Variants in R3HCC1L observed in about 807,000 individuals in gnomAD.
The protein encoded by R3HCC1L is R3H domain and coiled-coil containing 1 like, also known as coiled-coil domain-containing protein R3HCC1L.
In R3HCC1L, 51 loss-of-function variants were observed where a neutral mutation model predicts 59.9. The observed-to-expected ratio is 0.85, with a 90% confidence interval of 0.68 to 1.07. R3HCC1L has a LOEUF of 1.07. R3HCC1L is among the 50% of genes least tolerant of loss of function. The pLI, the probability that R3HCC1L is intolerant of heterozygous loss-of-function variation, is 0.00. For missense variants in R3HCC1L, 965 were observed against 933.0 expected, an observed-to-expected ratio of 1.03 and a Z score of -0.45; for synonymous variants, 322 against 315.2, an observed-to-expected ratio of 1.02 and a Z score of -0.23.
intron 9 of R3HCC1L, among the ~76,000 whole-genome samples, chr10:98,239,349 A>G (rs545407821): frequency 1.3e-5 from 2 of 152,284 alleles, no homozygotes; most frequent in South Asian, 4.1e-4. Flanking sequence ...TTTTGACATG[A>G]CCATTGCCAA....
chr10:98,146,210 G>T (rs1221583098), intron 1 of R3HCC1L, among the ~76,000 whole-genome samples: 2 of 151,908 alleles, frequency 1.3e-5, no homozygotes, highest in Admixed American at 6.6e-5. Context: ...CAAATAATTT[G>T]CATACTATAC....
Position 98,185,159 on chromosome 10 carries a change from G to A in R3HCC1L, c.-15+21762G>A, listed in dbSNP as rs373770393. Among the ~76,000 whole-genome samples, 5 of 152,170 alleles carry A rather than the reference G, an allele frequency of 3.3e-5. No individual in the cohort carries two copies. In the South Asian group the frequency reaches 1.0e-3, roughly 32 times the overall value. ...TGATACGGGATTTTTGATGGTTAAA[G>A]TATCTTTTAAATCTGTTCCTTTCAG... On this transcript the variant is annotated intron_variant, in intron 4 of 9. Transcript: ENST00000298999.
intron 4 of R3HCC1L, among the ~76,000 whole-genome samples, chr10:98,172,988 A>G (rs1168503364): frequency 6.6e-6 from 1 of 152,204 alleles, no homozygotes; most frequent in East Asian, 1.9e-4. Flanking sequence ...CTTAGGGATG[A>G]GGTAAAGGTA....
chr10:98,208,403 T>G lies in R3HCC1L; in HGVS notation c.289T>G (p.Cys97Gly). Reference protein sequence around the residue: ...KSSTKLRMDTCLQKTNRVCSK... With the variant: ...KSSTKLRMDTGLQKTNRVCSK... ...TTCAACAAAATTAAGAATGGACACA[T>G]GCCTTCAAAAAACAAATAGAGTTTG... The change falls in exon 5 of 10, where the codon TGC becomes GGC. Residue 97 changes from cysteine (C) to glycine (G), a missense_variant. Physicochemically the swap from Cys to Gly is radical, Grantham distance 159 (BLOSUM62 -3). Coordinates refer to ENST00000298999, the MANE Select transcript of R3HCC1L (RefSeq NM_001351015.2). 1 of 1,613,860 alleles carries G rather than the reference T, an allele frequency of 6.2e-7. No homozygotes were observed. Among genetic ancestry groups the G allele is most frequent in the Non-Finnish European group, 8.5e-7 (1 of 1,179,972 alleles).
At chr10:98,220,318 C>T (rs970046226) in intron 5 of R3HCC1L, among the ~76,000 whole-genome samples, 4 of 149,016 alleles carry the variant, frequency 2.7e-5, no homozygotes, top group Non-Finnish European at 4.5e-5. Flanking sequence ...ATCTCACTGA[C>T]GTTCTTTAAT....
In R3HCC1L at chr10:98,209,660, A is replaced by G. The variant is rs747954459; in HGVS notation, c.1546A>G (p.Thr516Ala). ...GIDLGSTGDT[T>A]EALHELRTAE... ...TGACCTGGGTAGTACTGGTGATACA[A>G]CAGAAGCATTGCACGAACTAAGAAC... The change falls in exon 5 of 10, where the codon ACA becomes GCA. Residue 516 changes from threonine to alanine, a missense_variant. Transcript: ENST00000298999. The G allele has an allele frequency of 5.6e-6, 9 of 1,613,928 alleles. No individual in the cohort carries two copies. Among genetic ancestry groups the G allele is most frequent in the Non-Finnish European group, 7.6e-6 (9 of 1,179,940 alleles).
At chr10:98,184,531 G>A (rs1181207913) in intron 4 of R3HCC1L, among the ~76,000 whole-genome samples, 7 of 152,134 alleles carry the variant, frequency 4.6e-5, no homozygotes, top group African/African-American at 1.7e-4. Flanking sequence ...GTCTTTGTCT[G>A]TGTAAGTATA....
At chr10:98,189,549 A>G (rs541589613) in intron 4 of R3HCC1L, among the ~76,000 whole-genome samples, 2 of 152,324 alleles carry the variant, frequency 1.3e-5, no homozygotes, top group South Asian at 4.1e-4. Flanking sequence ...CTTTCACTAT[A>G]GACTTTAATT....
At chr10:98,222,163 T>C (rs866320324) in intron 5 of R3HCC1L, among the ~76,000 whole-genome samples, 188 of 152,348 alleles carry the variant, frequency 1.2e-3, no homozygotes, top group Middle Eastern at 6.8e-3. Context: ...AGTTCACTCA[T>C]TATTTGGCTG....
intron 9 of R3HCC1L, among the ~76,000 whole-genome samples, chr10:98,242,340 C>T (rs1413587599): frequency 2.0e-5 from 3 of 152,074 alleles, no homozygotes; most frequent in African/African-American, 4.8e-5. Flanking sequence ...CAGAGCGAGA[C>T]TCCATCTCCA....
chr10:98,187,416 T>A (rs1850326918), intron 4 of R3HCC1L, among the ~76,000 whole-genome samples: 1 of 101,218 alleles, frequency 9.9e-6, no homozygotes, highest in East Asian at 2.1e-4. Context: ...ACAGTCATAA[T>A]CATAGGTCTC....
intron 1 of R3HCC1L, among the ~76,000 whole-genome samples, chr10:98,137,698 T>C (rs907136478): frequency 4.6e-5 from 7 of 152,154 alleles, no homozygotes; most frequent in African/African-American, 1.7e-4. Context: ...GTGTTTCTGT[T>C]TTTCTAGAGA....
chr10:98,241,311 CCT>C (rs1167236342), intron 9 of R3HCC1L, among the ~76,000 whole-genome samples: 4 of 151,970 alleles, frequency 2.6e-5, no homozygotes, highest in Non-Finnish European at 5.9e-5. Flanking sequence ...TAATTTACAT[CCT>C]CTCTCTGCTT....
chr10:98,221,717 T>C (rs1313615469), intron 5 of R3HCC1L, among the ~76,000 whole-genome samples: 1 of 152,182 alleles, frequency 6.6e-6, no homozygotes, highest in Admixed American at 6.5e-5. Context: ...CTGAGGGCTC[T>C]GTTCTGTTCC....
intron 2 of R3HCC1L, among the ~76,000 whole-genome samples, chr10:98,160,581 ATT>A (rs1357420956): frequency 4.6e-5 from 7 of 152,218 alleles, no homozygotes; most frequent in African/African-American, 1.7e-4. Flanking sequence ...CTTCTCTAAC[ATT>A]CTTTCCCTTC....
At chr10:98,228,536 C>T (rs914719047) in intron 5 of R3HCC1L, among the ~76,000 whole-genome samples, 1 of 152,088 alleles carries the variant, frequency 6.6e-6, no homozygotes, top group Non-Finnish European at 1.5e-5. Flanking sequence ...TGTAGGTTGC[C>T]TGTTCACTCT....
chr10:98,234,518 T>A lies in R3HCC1L; in HGVS notation c.2032+2T>A, dbSNP rs1490140582. ...GAGTATTCTCCAGTCCAATTACAGG[T>A]ATTCACCCAGTGGCTTTCAATCTTC... On this transcript the variant is annotated splice_donor_variant, in intron 7 of 9. Coordinates refer to ENST00000298999, the MANE Select transcript of R3HCC1L (RefSeq NM_001351015.2). LOFTEE classifies it high-confidence loss of function. 1 of 1,609,670 alleles carries A rather than the reference T, an allele frequency of 6.2e-7. No homozygotes were observed. The highest frequency in any genetic ancestry group is 1.1e-5 in the South Asian group (1 of 90,716).
At chr10:98,212,207 T>C (rs1853662285) in intron 5 of R3HCC1L, among the ~76,000 whole-genome samples, 1 of 152,190 alleles carries the variant, frequency 6.6e-6, no homozygotes, top group Admixed American at 6.5e-5. Flanking sequence ...TCCAGCAACA[T>C]TAATAGCCCT....
chr10:98,216,294 G>C (rs961091007), intron 5 of R3HCC1L, among the ~76,000 whole-genome samples: 1 of 151,962 alleles, frequency 6.6e-6, no homozygotes, highest in East Asian at 1.9e-4. Flanking sequence ...CAGGTGGATC[G>C]CTTGAGTGCA....
Sources: allele counts gnomAD v4.1 joint callset (sites outside exome capture counted in the v4.1 genomes callset), GRCh38; gene constraint gnomAD v4.1.1; transcripts MANE v1.5; gene names NCBI Gene and HGNC (gene_info 2026-07-23, HGNC 2026-07-21).